The following FHIP1A variants were observed in gnomAD, a reference collection of about 807,000 sequenced individuals.
FHIP1A encodes the protein FHF complex subunit HOOK-interacting protein 1A.
FHIP1A carries 61 observed loss-of-function variants against 88.6 expected under a neutral mutation model. The ratio of observed to expected loss-of-function variants is 0.69; its 90% confidence interval spans 0.56 to 0.85. The LOEUF (loss-of-function observed/expected upper bound fraction) is 0.85. Ranked by LOEUF, FHIP1A falls within the 40% of genes least tolerant of loss-of-function variation. FHIP1A has a pLI of 0.00. For synonymous variants in FHIP1A, 478 were observed against 496.0 expected (o/e 0.96, Z 0.48); for missense variants, 1,154 against 1,273.5 (o/e 0.91, Z 1.43).
chr4:151,577,514 C>G lies in FHIP1A; in HGVS notation c.170C>G (p.Pro57Arg), dbSNP rs1339688140. ...ACCCAGGCAAAATATGGGTCTATCC[C>G]TCCAGATGAGGCCAGTGCCGTGCAG... is the stretch of plus-strand genomic sequence containing the variant. ...KNTQAKYGSI[P>R]PDEASAVQNY... is the part of the protein sequence containing the mutation. Residue 57 changes from proline to arginine, a missense_variant, in exon 5 of 14, where the codon CCT becomes CGT. Transcript: ENST00000435205. 4.5e-6 allele frequency: 7 copies of G among 1,551,460 alleles called. No homozygotes were observed. In the East Asian group the frequency reaches 1.7e-4, roughly 38 times the overall value.
chr4:151,449,547 C>T (rs1728722120), intron 1 of FHIP1A, among the ~76,000 whole-genome samples: 1 of 151,960 alleles, frequency 6.6e-6, no homozygotes, highest in South Asian at 2.1e-4. Context: ...ATTCAAAAAC[C>T]TCTCTCCTAA....
At chr4:151,433,144 T>C (rs1017833530) in intron 1 of FHIP1A, among the ~76,000 whole-genome samples, 1 of 152,092 alleles carries the variant, frequency 6.6e-6, no homozygotes, top group Non-Finnish European at 1.5e-5. Flanking sequence ...GGAAATGCGA[T>C]GAAGGTTTTT....
intron 7 of FHIP1A, among the ~76,000 whole-genome samples, chr4:151,601,304 G>A (rs1734858481): frequency 6.6e-6 from 1 of 152,082 alleles, no homozygotes; most frequent in Admixed American, 6.5e-5. Context: ...GGGGCATAGG[G>A]CAAGGTGGAA....
chr4:151,509,470 C>A (rs949349493), intron 3 of FHIP1A, among the ~76,000 whole-genome samples: 1 of 152,152 alleles, frequency 6.6e-6, no homozygotes, highest in Non-Finnish European at 1.5e-5. Flanking sequence ...TGGCCAAGTT[C>A]TTTACCTTCC....
chr4:151,458,903 T>C (rs184509742), intron 2 of FHIP1A, among the ~76,000 whole-genome samples: 17 of 151,070 alleles, frequency 1.1e-4, no homozygotes, highest in African/African-American at 3.9e-4. Flanking sequence ...AAAAGGGTCA[T>C]AGAGAAAGTA....
At chr4:151,547,833 G>C (rs1211140517) in intron 3 of FHIP1A, among the ~76,000 whole-genome samples, 3 of 152,096 alleles carry the variant, frequency 2.0e-5, no homozygotes, top group African/African-American at 7.2e-5. Context: ...AGAATCATTT[G>C]AACCTGGGAG....
intron 3 of FHIP1A, among the ~76,000 whole-genome samples, chr4:151,518,072 A>T (rs931223128): frequency 2.0e-5 from 3 of 152,248 alleles, no homozygotes; most frequent in Non-Finnish European, 4.4e-5. Context: ...GTCATGTCCT[A>T]GGCCTTCACA....
intron 1 of FHIP1A, among the ~76,000 whole-genome samples, chr4:151,412,614 C>T (rs7689763): frequency 0.026 from 1,132 of 43,228 alleles, 6 homozygotes; most frequent in African/African-American, 0.057. Context: ...CTTCCTTCCT[C>T]CCTCCCTCCC....
chr4:151,603,575 G>A (rs1012675862), intron 7 of FHIP1A, among the ~76,000 whole-genome samples: 2 of 152,168 alleles, frequency 1.3e-5, no homozygotes. Context: ...CTCTGGGGCT[G>A]AGTATTTGAC....
intron 2 of FHIP1A, among the ~76,000 whole-genome samples, chr4:151,481,998 T>C (rs1162581885): frequency 6.6e-6 from 1 of 152,156 alleles, no homozygotes; most frequent in Non-Finnish European, 1.5e-5. Flanking sequence ...ATAGGAGATG[T>C]GTGTCTAAGA....
At chr4:151,604,136 C>T (rs575639120) in intron 7 of FHIP1A, among the ~76,000 whole-genome samples, 1 of 152,120 alleles carries the variant, frequency 6.6e-6, no homozygotes, top group East Asian at 1.9e-4. Flanking sequence ...CTTCCTTCCT[C>T]CTCTGTGGTC....
chr4:151,498,226 T>A (rs1021592988), intron 3 of FHIP1A, among the ~76,000 whole-genome samples: 4 of 152,224 alleles, frequency 2.6e-5, no homozygotes. Flanking sequence ...TCTTTAAGAA[T>A]GTCATTAGTG....
At chr4:151,478,594 A>G (rs376297796) in intron 2 of FHIP1A, among the ~76,000 whole-genome samples, 9 of 152,158 alleles carry the variant, frequency 5.9e-5, no homozygotes, top group African/African-American at 2.2e-4. Context: ...GGTTATCAAT[A>G]CTAGCTGTGC....
At chr4:151,629,599 T>G (rs959380880) in intron 7 of FHIP1A, 103 bp from the exon 8 acceptor site, 1 of 991,946 alleles carries the variant, frequency 1.0e-6, no homozygotes, top group Non-Finnish European at 1.5e-6. Flanking sequence ...GGCATGTTCT[T>G]GCCTTGATGA....
chr4:151,627,619 A>C lies in FHIP1A; in HGVS notation c.979-2083A>C, dbSNP rs183287820. ...ATTTTTGCCTAAATCATTTAGGATT[A>C]AGTTTCTGCTAAAGGATCCCAAGTT... On this transcript the variant is annotated intron_variant, in intron 7 of 13. Transcript: ENST00000435205. Among the ~76,000 whole-genome samples, 7 of 152,272 alleles carry C rather than the reference A, an allele frequency of 4.6e-5. No homozygotes were observed. In the East Asian group the frequency reaches 1.4e-3, roughly 29 times the overall value.
chr4:151,411,204 TTTCTCTGCTAAGTTCTTTC>T, intron 1 of FHIP1A, among the ~76,000 whole-genome samples: 1 of 152,308 alleles, frequency 6.6e-6, no homozygotes, highest in East Asian at 1.9e-4. Context: ...TTCAAAATAC[TTTCTCTGCTAAGTTCTTTC>T]TTTAATAGGA....
At chr4:151,493,499 C>G (rs1314965987) in intron 3 of FHIP1A, among the ~76,000 whole-genome samples, 2 of 152,036 alleles carry the variant, frequency 1.3e-5, no homozygotes, top group East Asian at 3.9e-4. Flanking sequence ...AATACCAAAA[C>G]CAGGAAAGGA....
At chr4:151,612,135 C>CCCAGATCT (rs1735345338) in intron 7 of FHIP1A, among the ~76,000 whole-genome samples, 1 of 152,158 alleles carries the variant, frequency 6.6e-6, no homozygotes, top group African/African-American at 2.4e-5. Flanking sequence ...TTGGACCTAA[C>CCCAGATCT]CCAGATCTCC....
intron 2 of FHIP1A, among the ~76,000 whole-genome samples, chr4:151,477,186 G>T (rs1178556148): frequency 9.2e-5 from 14 of 152,106 alleles, no homozygotes; most frequent in Non-Finnish European, 1.5e-5. Context: ...ATAAAATCTA[G>T]CTTAGTAAGT....
Sources: allele counts gnomAD v4.1 joint callset (sites outside exome capture counted in the v4.1 genomes callset), GRCh38; gene constraint gnomAD v4.1.1; transcripts MANE v1.5; gene names NCBI Gene and HGNC (gene_info 2026-07-23, HGNC 2026-07-21).